USH1C: variants seen among roughly 807,000 people sequenced by gnomAD.
USH1C encodes USH1 protein network component harmonin, also known as harmonin.
Under a neutral mutation model 119.3 loss-of-function variants are expected in USH1C, and 90 were observed. The ratio of observed to expected loss-of-function variants is 0.75; its 90% CI spans 0.64 to 0.90. USH1C has a LOEUF of 0.90. Among genes scored for constraint, USH1C ranks in the 40% least tolerant of loss-of-function variants. The pLI, the probability that USH1C is intolerant of heterozygous loss-of-function variation, is 0.00. For missense variants in USH1C, 1,165 were observed against 1,167.7 expected (o/e 1.00, Z 0.03); for synonymous variants, 465 against 443.3 (o/e 1.05, Z -0.62).
intron 12 of USH1C, among the ~76,000 whole-genome samples, chr11:17,522,244 T>C (rs1026445137): frequency 6.6e-6 from 1 of 152,240 alleles, no homozygotes; most frequent in East Asian, 1.9e-4. Context: ...TCAATCCTCC[T>C]GGACAAGGGT....
chr11:17,522,797 C>T lies in USH1C; in HGVS notation c.1006G>A (p.Glu336Lys), dbSNP rs924642642. The change falls in exon 12 of 27, where the codon GAG becomes AAG. Residue 336 changes from glutamate to lysine, a missense_variant. Coordinates refer to ENST00000005226, the MANE Select transcript of USH1C (RefSeq NM_153676.4). Reference sequence around the variant, plus strand: ...GGCTGCACTCACTGCCGCTCCATCTCCTGCTGCTCCTGGAGGATCTTGTTG... The same window carrying T: ...GGCTGCACTCACTGCCGCTCCATCTTCTGCTGCTCCTGGAGGATCTTGTTG... ...ESNKILQEQQ[E>K]MERQRRKEIA... The T allele has an allele frequency of 6.2e-7, 1 of 1,614,016 alleles. No homozygotes were observed. The highest frequency in any genetic ancestry group is 1.1e-5 in the South Asian group (1 of 91,084).
intron 1 of USH1C, among the ~76,000 whole-genome samples, chr11:17,535,033 T>C (rs369689274): frequency 1.3e-5 from 2 of 152,240 alleles, no homozygotes; most frequent in East Asian, 3.9e-4. Context: ...CCCCCTCTGC[T>C]CAGGCCTGTG....
chr11:17,530,969 G>A (rs889674574), intron 4 of USH1C, among the ~76,000 whole-genome samples, 185 bp downstream of exon 4: 1 of 152,188 alleles, frequency 6.6e-6, no homozygotes, highest in Non-Finnish European at 1.5e-5. Flanking sequence ...AAGAAAACAG[G>A]CAATTGCCTG....
chr11:17,520,993 T>A lies in USH1C; in HGVS notation c.1087A>T (p.Ile363Phe). 2 of 1,613,920 alleles carry A rather than the reference T, an allele frequency of 1.2e-6. No homozygotes were observed. The highest frequency in any genetic ancestry group is 1.7e-6 in the Non-Finnish European group (2 of 1,179,978). The change falls in exon 14 of 27, where the codon ATT (isoleucine) becomes TTT (phenylalanine). Residue 363 changes from isoleucine to phenylalanine, a missense_variant and splice_region_variant. Physicochemically the swap from Ile to Phe is conservative, Grantham distance 21. Coordinates refer to ENST00000005226, the MANE Select transcript of USH1C (RefSeq NM_153676.4). ...TTAAACTTCTCTTCCTCCTCTACAA[T>A]CCTAAAATGAGACCCCCATGCCTGT... ...NERYRKEMEQ[I>F]VEEEEKFKKQ...
chr11:17,508,847 T>C (rs959662497), intron 18 of USH1C, among the ~76,000 whole-genome samples: 4 of 152,194 alleles, frequency 2.6e-5, no homozygotes, highest in East Asian at 3.9e-4. Flanking sequence ...CACTGGAATG[T>C]CCTAATACTG....
chr11:17,532,642 G>C (rs1851042055), intron 2 of USH1C, among the ~76,000 whole-genome samples: 2 of 151,972 alleles, frequency 1.3e-5, no homozygotes, highest in South Asian at 4.2e-4. Flanking sequence ...AAGCCTTCCT[G>C]GTCCTTCCTC....
At position 17,505,991 on chromosome 11, in the gene USH1C, G is replaced by A. The variant is rs762566418; in HGVS notation, c.2014-42C>T. ...ACAGGGACCCAGGTGAGGTCATGGT[G>A]GGGTGGCCAAGGCCAGCCATGCTAC... On this transcript the variant is annotated intron_variant, in intron 18 of 26. Transcript: ENST00000005226. The A allele has an allele frequency of 2.5e-6, 4 of 1,613,744 alleles. No homozygotes were observed. The South Asian group carries it at 3.3e-5, about 13-fold the overall frequency.
chr11:17,526,991 G>A (rs1362995519), intron 6 of USH1C, 25 bp downstream of exon 6: 1 of 1,563,084 alleles, frequency 6.4e-7, no homozygotes, highest in Admixed American at 1.9e-5. Flanking sequence ...GGGAAGAGTT[G>A]GCCTGCAGAG....
intron 20 of USH1C, among the ~76,000 whole-genome samples, chr11:17,502,699 G>A (rs948495377): frequency 2.0e-5 from 3 of 152,204 alleles, no homozygotes; most frequent in Non-Finnish European, 1.5e-5. Flanking sequence ...ATGGCTCCAG[G>A]GTGTAGAAAC....
rs368087904 is a variant in USH1C at position 17,520,851 on chromosome 11, C to G, written c.1210+19G>C. 3 of 1,614,048 alleles carry G rather than the reference C, an allele frequency of 1.9e-6. No individual in the cohort carries two copies. Among genetic ancestry groups the G allele is most frequent in the African/African-American group, 2.7e-5 (2 of 74,916 alleles). On this transcript the variant is annotated intron_variant, in intron 14 of 26. Transcript: ENST00000005226. The stretch of plus-strand genomic sequence containing the variant: ...CTGACTAGTTCCCTTAGCCTCTCCC[C>G]TCGGCTCATGAAACTTACACTTTGG...
chr11:17,509,550 G>A lies in USH1C; in HGVS notation c.1819C>T (p.Pro607Ser), dbSNP rs768363505. ...QRTPPPIPIP[P>S]PPSVPTQDLT... ...TCTTGGGTGGGAACGGATGGCGGGGGAGGGATGGGAATGGGGGGTGGAGTG... is the reference window on the plus strand; with the variant it reads ...TCTTGGGTGGGAACGGATGGCGGGGAAGGGATGGGAATGGGGGGTGGAGTG... Residue 607 changes from proline to serine, a missense_variant, in exon 18 of 27, where the codon CCC becomes TCC. Transcript: ENST00000005226. 3 of 1,575,492 alleles carry A rather than the reference G, an allele frequency of 1.9e-6. No individual in the cohort carries two copies. The highest frequency in any genetic ancestry group is 2.2e-5 in the South Asian group (2 of 88,894).
chr11:17,516,518 C>T (rs917096545), intron 14 of USH1C: 14 of 570,738 alleles, frequency 2.5e-5, no homozygotes, highest in African/African-American at 2.4e-4. Context: ...TTCCCAGGCC[C>T]TGGGTCACTC....
chr11:17,524,924 C>G (rs1171677860), intron 8 of USH1C, among the ~76,000 whole-genome samples: 1 of 152,124 alleles, frequency 6.6e-6, no homozygotes, highest in African/African-American at 2.4e-5. Context: ...TCATAGCTCT[C>G]TGCAACCTCC....
intron 26 of USH1C, among the ~76,000 whole-genome samples, chr11:17,495,300 A>T (rs1296095583): frequency 1.3e-5 from 2 of 152,208 alleles, no homozygotes; most frequent in Non-Finnish European, 2.9e-5. Context: ...CTTGGGACCC[A>T]AAGCAGGTCC....
At chr11:17,540,259 G>A (rs1851407329) in intron 1 of USH1C, among the ~76,000 whole-genome samples, 1 of 152,154 alleles carries the variant, frequency 6.6e-6, no homozygotes, top group African/African-American at 2.4e-5. Flanking sequence ...CCACCATCAA[G>A]GACATAGACA....
chr11:17,505,553 T>C (rs1261844374), intron 19 of USH1C, among the ~76,000 whole-genome samples: 2 of 152,252 alleles, frequency 1.3e-5, no homozygotes, highest in Non-Finnish European at 1.5e-5. Context: ...GAGCCTGGTA[T>C]ATAGTAGGCT....
At chr11:17,534,612 C>T (rs191827721) in intron 1 of USH1C, among the ~76,000 whole-genome samples, 67 of 152,284 alleles carry the variant, frequency 4.4e-4, no homozygotes, top group African/African-American at 1.5e-3. Context: ...CGGTGGCTCA[C>T]GCCTATAATC....
chr11:17,525,044 T>C (rs189931436), intron 8 of USH1C, among the ~76,000 whole-genome samples: 6 of 152,272 alleles, frequency 3.9e-5, no homozygotes, highest in African/African-American at 1.2e-4. Context: ...AACTAGCCGC[T>C]CTGTTCTCAG....
chr11:17,537,002 G>A (rs1455463477), intron 1 of USH1C, among the ~76,000 whole-genome samples: 3 of 152,160 alleles, frequency 2.0e-5, no homozygotes, highest in African/African-American at 7.2e-5. Flanking sequence ...AGAAAGAACA[G>A]CACTGCTTTG....
Sources: allele counts gnomAD v4.1 joint callset (sites outside exome capture counted in the v4.1 genomes callset), GRCh38; gene constraint gnomAD v4.1.1; transcripts MANE v1.5; gene names NCBI Gene and HGNC (gene_info 2026-07-23, HGNC 2026-07-21).